Variants in KIAA0930 observed in about 807,000 individuals in gnomAD.
KIAA0930 encodes uncharacterized protein KIAA0930.
In KIAA0930, 24 loss-of-function variants were observed where a neutral mutation model predicts 43.9. The observed-to-expected ratio is 0.55, with a 90% CI of 0.40 to 0.77. The LOEUF is 0.77. Ranked by LOEUF, KIAA0930 falls within the 30% of genes least tolerant of loss-of-function variation. The pLI is 0.00. For missense variants in KIAA0930, 461 were observed against 574.2 expected, an observed-to-expected ratio of 0.80 and a Z score of 2.02; for synonymous variants, 259 against 216.4, an observed-to-expected ratio of 1.20 and a Z score of -1.73.
At chr22:45,230,443 C>T (rs980558273) in intron 1 of KIAA0930, among the ~76,000 whole-genome samples, 1 of 152,132 alleles carries the variant, frequency 6.6e-6, no homozygotes, top group Non-Finnish European at 1.5e-5. Flanking sequence ...TCATGAGACC[C>T]TCATGTGAAA....
chr22:45,208,368 A>ACACACGAGC lies in KIAA0930; in HGVS notation c.217-2457_217-2456insGCTCGTGTG, dbSNP rs1569075614. On this transcript the variant is annotated intron_variant, in intron 2 of 9. Coordinates refer to ENST00000336156, the MANE Select transcript of KIAA0930 (RefSeq NM_001009880.2). ...GAACAGGCAGAACCACCGACTCCAC[A>ACACACGAGC]TGCACGAGCTGTAAGAACAGGTAGA... Among the ~76,000 whole-genome samples the ACACACGAGC allele has an allele frequency of 2.5e-4, 36 of 146,274 alleles. 1 individual carries two copies. Among genetic ancestry groups the ACACACGAGC allele is most frequent in the African/African-American group, 3.0e-4 (12 of 40,284 alleles).
intron 1 of KIAA0930, chr22:45,236,382 ACTTATACAGCCCTG>A (rs2083888595): frequency 6.6e-6 from 1 of 152,250 alleles, no homozygotes; most frequent in African/African-American, 2.4e-5. Context: ...TCCAGCCTCG[ACTTATACAGCCCTG>A]CTTAGAGCAA....
In KIAA0930 at chr22:45,203,071, C is replaced by T. The variant is rs139406514; in HGVS notation, c.771G>A (p.Ala257=). 72 of 1,613,704 alleles carry T rather than the reference C, an allele frequency of 4.5e-5. No homozygotes were observed. In the African/African-American group the frequency reaches 5.9e-4, roughly 13 times the overall value. ...TGTCACCTGTAGACACTCGGCTGAC[C>T]GCCATCTCGGCGTGGCCCTTGCCCT... ...GPQGKGHAEM[A]VSRVSTGDTS... is the part of the protein sequence containing the mutation. Residue 257 remains alanine, a synonymous_variant, in exon 7 of 10, where the codon GCG becomes GCA. Transcript: ENST00000336156.
chr22:45,206,647 A>G (rs2147742469), intron 2 of KIAA0930, among the ~76,000 whole-genome samples: 1 of 152,162 alleles, frequency 6.6e-6, no homozygotes, highest in South Asian at 2.1e-4. Flanking sequence ...TAATAAATAC[A>G]TATCAGAGAG....
chr22:45,238,698 C>T (rs1271782146), intron 1 of KIAA0930, among the ~76,000 whole-genome samples: 1 of 152,100 alleles, frequency 6.6e-6, no homozygotes, highest in Admixed American at 6.5e-5. Flanking sequence ...AGAGGGGAGA[C>T]CTGGCACGTG....
chr22:45,207,106 A>G (rs1036234901), intron 2 of KIAA0930, among the ~76,000 whole-genome samples: 1 of 148,532 alleles, frequency 6.7e-6, no homozygotes, highest in East Asian at 2.0e-4. Flanking sequence ...TCCTGGGTTC[A>G]TGTGATTCTC....
At chr22:45,230,545 C>G (rs1166835699) in intron 1 of KIAA0930, among the ~76,000 whole-genome samples, 1 of 151,192 alleles carries the variant, frequency 6.6e-6, no homozygotes, top group Non-Finnish European at 1.5e-5. Flanking sequence ...ACAGGCCTTG[C>G]TAAGTGCCCC....
rs2083697609 is a variant in KIAA0930 at position 45,211,965 on chromosome 22, G to A, written c.207C>T (p.Asp69=). ...GCCGGGGGTCACTCACCTTCCTCCCGTCTGCACCGCTTTCGCTGCCGGAGT... is the reference window on the plus strand; with the variant it reads ...GCCGGGGGTCACTCACCTTCCTCCCATCTGCACCGCTTTCGCTGCCGGAGT... ...LAYSGSESGA[D]GRKAAEPEVE... is the part of the protein sequence containing the mutation. Residue 69 remains aspartate, a synonymous_variant, in exon 2 of 10, where the codon GAC becomes GAT. Transcript: ENST00000336156. The A allele has an allele frequency of 4.3e-6, 7 of 1,611,490 alleles. No individual in the cohort carries two copies. The highest frequency in any genetic ancestry group is 2.2e-5 in the East Asian group (1 of 44,860).
chr22:45,234,462 C>T (rs1165977338), intron 1 of KIAA0930, among the ~76,000 whole-genome samples: 1 of 152,198 alleles, frequency 6.6e-6, no homozygotes, highest in Non-Finnish European at 1.5e-5. Flanking sequence ...TCAGCAGGGA[C>T]GCCCATCACT....
chr22:45,205,640 T>C lies in KIAA0930; in HGVS notation c.404A>G (p.Lys135Arg). 1 of 1,613,982 alleles carries C rather than the reference T, an allele frequency of 6.2e-7. No individual in the cohort carries two copies. The change falls in exon 4 of 10, where the codon AAG (lysine) becomes AGG (arginine). Residue 135 changes from lysine (K) to arginine (R), a missense_variant. Lys to Arg is a conservative substitution (Grantham distance 26). Coordinates refer to ENST00000336156, the MANE Select transcript of KIAA0930 (RefSeq NM_001009880.2). ...CGTGCCAGGGCTCACCTGAGATTTCTTCTTATGGATGTGAATGTCCCCGCC... is the reference window on the plus strand; with the variant it reads ...CGTGCCAGGGCTCACCTGAGATTTCCTCTTATGGATGTGAATGTCCCCGCC... The part of the protein sequence containing the change: ...ADGGDIHIHK[K>R]KSQQVFASPS...
At chr22:45,203,760 G>A in intron 6 of KIAA0930, 85 bp downstream of exon 6, 6 of 1,496,994 alleles carry the variant, frequency 4.0e-6, no homozygotes, top group Non-Finnish European at 2.7e-6. Flanking sequence ...GCAGGCTGGG[G>A]GGCCCCATGG....
intron 7 of KIAA0930, 95 bp downstream of exon 7, chr22:45,202,895 A>G: frequency 9.4e-7 from 1 of 1,058,978 alleles, no homozygotes; most frequent in Non-Finnish European, 1.3e-6. Context: ...GGGGATGACA[A>G]CACCTATGTC....
chr22:45,205,551 C>T, intron 4 of KIAA0930, 79 bp downstream of exon 4: 1 of 1,364,684 alleles, frequency 7.3e-7, no homozygotes. Context: ...GAGAAGCAAG[C>T]AGGAGGACTT....
At chr22:45,239,417 G>C (rs993025983) in intron 1 of KIAA0930, among the ~76,000 whole-genome samples, 1 of 152,186 alleles carries the variant, frequency 6.6e-6, no homozygotes, top group African/African-American at 2.4e-5. Context: ...TGAAGTTCTT[G>C]TCCATTTCAC....
intron 7 of KIAA0930, chr22:45,201,118 G>A (rs2083585087): frequency 2.2e-6 from 1 of 445,754 alleles, no homozygotes; most frequent in Admixed American, 2.6e-5. Flanking sequence ...CCAAAGTCCT[G>A]GCAGCTGCTG....
chr22:45,192,571 ATACC>A lies in KIAA0930; in HGVS notation c.*4601_*4604del, dbSNP rs2083498546. ...ATAATTCATTTGGAAACCATAAAAG[ATACC>A]TATTTACACCTAAACTGCCTGGCCT... is the stretch of plus-strand genomic sequence containing the variant. On this transcript the variant is annotated 3_prime_UTR_variant, in exon 10 of 10. Transcript: ENST00000336156. 6.6e-6 allele frequency: 1 copy of A among 152,250 alleles called. No individual in the cohort carries two copies. Among genetic ancestry groups the A allele is most frequent in the African/African-American group, 2.4e-5 (1 of 41,456 alleles). The allele number at this position is 152,250 out of a possible 1,614,324, so 9.4% of individuals were successfully genotyped here.
Position 45,192,656 on chromosome 22 carries a change from T to C in KIAA0930, c.*4520A>G, listed in dbSNP as rs1403953001. The C allele has an allele frequency of 2.0e-5, 3 of 152,222 alleles. No individual in the cohort carries two copies. 9.4% of individuals were successfully genotyped at this position (152,222 alleles called of 1,614,324 possible). A position where few individuals can be genotyped will look rare whatever the true frequency, so the allele number is the denominator to read the frequency against. ...GGAAGAAAGCGAGCGTGTCGCGGGC[T>C]CTGTGGGGTTGCAGGGTCACTGTTA... On this transcript the variant is annotated 3_prime_UTR_variant, in exon 10 of 10. Transcript: ENST00000336156.
Position 45,197,967 on chromosome 22 carries a change from GGTCAAGGC to G in KIAA0930, c.1016-27_1016-20del. 6.2e-7 allele frequency: 1 copy of G among 1,613,154 alleles called. No individual in the cohort carries two copies. Among genetic ancestry groups the G allele is most frequent in the African/African-American group, 1.3e-5 (1 of 75,026 alleles). The stretch of plus-strand genomic sequence containing the variant: ...AGATCGGCTGGAGGAAAGAAGGCCA[GGTCAAGGC>G]CCCCACAGCATGGGACGCGGCGGGA... On this transcript the variant is annotated intron_variant, in intron 8 of 9. Transcript: ENST00000336156.
In KIAA0930 at chr22:45,192,600, TTCCAGAGCGGGGACTAAAGG is replaced by T. The variant is rs1367775783; in HGVS notation, c.*4556_*4575del. On this transcript the variant is annotated 3_prime_UTR_variant, in exon 10 of 10. Transcript: ENST00000336156. ...CTATTTACACCTAAACTGCCTGGCCTTCCAGAGCGGGGACTAAAGGGGCAGGGCGGGGAAGAAAGCGAGCG... is the reference window on the plus strand; with the variant it reads ...CTATTTACACCTAAACTGCCTGGCCTGGCAGGGCGGGGAAGAAAGCGAGCG... 8 of 152,246 alleles carry T rather than the reference TTCCAGAGCGGGGACTAAAGG, an allele frequency of 5.3e-5. No homozygotes were observed. Among genetic ancestry groups the T allele is most frequent in the Non-Finnish European group, 5.9e-5 (4 of 68,042 alleles). 9.4% of individuals were successfully genotyped at this position (152,246 alleles called of 1,614,324 possible). A position where few individuals can be genotyped will look rare whatever the true frequency, so the allele number is the denominator to read the frequency against.
Sources: gnomAD v4.1 joint callset for allele counts (sites outside exome capture counted in the v4.1 genomes callset) on GRCh38, gnomAD v4.1.1 for gene constraint, MANE v1.5 for transcripts, NCBI Gene and HGNC (gene_info 2026-07-23, HGNC 2026-07-21) for gene names.